Variants in CDK14 observed in about 807,000 individuals in gnomAD.
CDK14 encodes the protein cyclin-dependent kinase 14.
In CDK14, 34 loss-of-function variants were observed where a neutral mutation model predicts 60.7. The observed-to-expected ratio is 0.56, with a 90% CI of 0.43 to 0.75. CDK14 has a LOEUF of 0.75. Ranked by LOEUF, CDK14 falls within the 30% of genes least tolerant of loss-of-function variation. CDK14 has a pLI of 0.00. For synonymous variants in CDK14, 197 were observed against 203.7 expected, an observed-to-expected ratio of 0.97 and a Z score of 0.28; for missense variants, 482 against 564.1, an observed-to-expected ratio of 0.85 and a Z score of 1.47.
chr7:91,203,757 A>G (rs556611644), intron 14 of CDK14, among the ~76,000 whole-genome samples: 1 of 152,312 alleles, frequency 6.6e-6, no homozygotes, highest in East Asian at 1.9e-4. Context: ...CTGCTTAATA[A>G]AAATGTGAAG....
chr7:91,124,108 A>G (rs569676159), intron 14 of CDK14, among the ~76,000 whole-genome samples: 1 of 152,098 alleles, frequency 6.6e-6, no homozygotes, highest in African/African-American at 2.4e-5. Flanking sequence ...AGCTGGTCTC[A>G]AACTCCTGGC....
At chr7:90,737,945 A>G (rs1274375343) in intron 3 of CDK14, among the ~76,000 whole-genome samples, 3 of 152,200 alleles carry the variant, frequency 2.0e-5, no homozygotes, top group Non-Finnish European at 4.4e-5. Flanking sequence ...GAAGCTATGG[A>G]CATTCTTACT....
chr7:90,598,208 T>G (rs1799236395), intron 1 of CDK14, among the ~76,000 whole-genome samples: 4 of 152,242 alleles, frequency 2.6e-5, no homozygotes, highest in Admixed American at 2.6e-4. Flanking sequence ...TTGTGTTAAA[T>G]AATTCATTGC....
rs1333373454 is a variant in CDK14, at chr7:91,059,923, G to A, written c.1105+13963G>A. On this transcript the variant is annotated intron_variant, in intron 11 of 14. Coordinates refer to ENST00000380050, the MANE Select transcript of CDK14 (RefSeq NM_001287135.2). ...AGTTCTGTAGATGTCTATTAGGTCTGCTTGGTGCAGAGCTGAGTTCAATTC... is the reference window on the plus strand; with the variant it reads ...AGTTCTGTAGATGTCTATTAGGTCTACTTGGTGCAGAGCTGAGTTCAATTC... Among the ~76,000 whole-genome samples the A allele has an allele frequency of 2.6e-3, 395 of 152,314 alleles. 13 individuals are homozygous for A. The highest frequency in any genetic ancestry group is 3.4e-3 in the Middle Eastern group (1 of 294).
At chr7:90,647,514 T>TC (rs1800494934) in intron 2 of CDK14, among the ~76,000 whole-genome samples, 1 of 151,512 alleles carries the variant, frequency 6.6e-6, no homozygotes, top group Admixed American at 6.6e-5. Flanking sequence ...TTTTATCTTT[T>TC]TTTTTTTCCT....
intron 3 of CDK14, among the ~76,000 whole-genome samples, chr7:90,739,209 A>G (rs1291804245): frequency 2.6e-5 from 4 of 152,222 alleles, no homozygotes; most frequent in Non-Finnish European, 4.4e-5. Context: ...TCTACCTGTC[A>G]GTTTCACAGG....
At chr7:90,683,934 A>G (rs867156850) in intron 2 of CDK14, among the ~76,000 whole-genome samples, 14 of 118,612 alleles carry the variant, frequency 1.2e-4, no homozygotes, top group African/African-American at 4.2e-4. Flanking sequence ...GTGTGTGTGT[A>G]TGCATTCATA....
At chr7:90,767,127 T>C (rs11763788) in intron 4 of CDK14, among the ~76,000 whole-genome samples, 8,071 of 152,300 alleles carry the variant, frequency 0.053, 320 homozygotes, top group Non-Finnish European at 0.081. Flanking sequence ...ATGCACAGTG[T>C]CAGCAGGGCA....
chr7:91,157,529 T>C (rs909728074), intron 14 of CDK14, among the ~76,000 whole-genome samples: 10 of 152,218 alleles, frequency 6.6e-5, no homozygotes, highest in African/African-American at 2.2e-4. Context: ...CTGAGAGGCA[T>C]TGGGTCATTG....
intron 7 of CDK14, among the ~76,000 whole-genome samples, chr7:90,904,251 A>G (rs1422470650): frequency 6.6e-6 from 1 of 152,140 alleles, no homozygotes; most frequent in Non-Finnish European, 1.5e-5. Context: ...TTCCAAGACG[A>G]CAGACCTGAA....
intron 2 of CDK14, among the ~76,000 whole-genome samples, chr7:90,691,079 A>T (rs894280892): frequency 1.3e-5 from 2 of 152,178 alleles, no homozygotes; most frequent in Non-Finnish European, 2.9e-5. Context: ...TTATAAAAAC[A>T]TTAACATATA....
chr7:91,080,397 C>T (rs1448928889), intron 12 of CDK14, among the ~76,000 whole-genome samples: 2 of 152,108 alleles, frequency 1.3e-5, no homozygotes, highest in African/African-American at 4.8e-5. Flanking sequence ...TTAAATTCTG[C>T]GGTAGTTTAC....
chr7:91,094,494 G>A (rs1798924991), intron 12 of CDK14, among the ~76,000 whole-genome samples: 1 of 152,106 alleles, frequency 6.6e-6, no homozygotes, highest in Non-Finnish European at 1.5e-5. Context: ...CTCACAGCAT[G>A]CCAGAATGCT....
At chr7:90,804,120 G>A (rs12386665) in intron 5 of CDK14, among the ~76,000 whole-genome samples, 97,399 of 152,058 alleles carry the variant, frequency 0.64, 31,644 homozygotes, top group East Asian at 0.96. Context: ...GGCTTCCCCA[G>A]AGCAAAAAGG....
chr7:90,921,911 T>A (rs73225066), intron 8 of CDK14, among the ~76,000 whole-genome samples: 15,062 of 152,194 alleles, frequency 0.099, 862 homozygotes, highest in Middle Eastern at 0.14. Context: ...ATGTTTTAGA[T>A]TAATTTGAAA....
chr7:90,745,865 A>T (rs1256799529), intron 3 of CDK14, among the ~76,000 whole-genome samples: 1 of 152,234 alleles, frequency 6.6e-6, no homozygotes, highest in African/African-American at 2.4e-5. Flanking sequence ...GTACTTGAGA[A>T]TCACTGTCAG....
chr7:90,797,574 A>C (rs1788483900), intron 5 of CDK14, among the ~76,000 whole-genome samples: 3 of 151,930 alleles, frequency 2.0e-5, no homozygotes, highest in Non-Finnish European at 4.4e-5. Context: ...CCATTCTTGC[A>C]CTGTTGTAAA....
intron 11 of CDK14, among the ~76,000 whole-genome samples, chr7:91,048,177 C>T (rs1282171822): frequency 1.3e-5 from 2 of 152,150 alleles, no homozygotes; most frequent in Non-Finnish European, 2.9e-5. Context: ...AACCACTGAC[C>T]CCACCACAGG....
chr7:90,828,353 C>T (rs1789795343), intron 5 of CDK14, among the ~76,000 whole-genome samples: 1 of 152,166 alleles, frequency 6.6e-6, no homozygotes, highest in Non-Finnish European at 1.5e-5. Flanking sequence ...TTTGTATAGT[C>T]AGTATCACAA....
Sources: allele counts gnomAD v4.1 joint callset (sites outside exome capture counted in the v4.1 genomes callset), GRCh38; gene constraint gnomAD v4.1.1; transcripts MANE v1.5; gene names NCBI Gene and HGNC (gene_info 2026-07-23, HGNC 2026-07-21).